The following LRRC4C variants were observed in gnomAD, a reference collection of about 807,000 sequenced individuals.
The protein encoded by LRRC4C is leucine-rich repeat-containing protein 4C.
A neutral mutation model predicts 33.6 loss-of-function variants in LRRC4C; 5 were observed. That is an observed-to-expected ratio of 0.15 (90% CI 0.08 to 0.31). The LOEUF is 0.31. LRRC4C is among the 10% of genes least tolerant of loss of function. The pLI, the probability that LRRC4C is intolerant of heterozygous loss-of-function variation, is 1.00. For synonymous variants in LRRC4C, 329 were observed against 302.0 expected, an observed-to-expected ratio of 1.09 and a Z score of -0.93; for missense variants, 560 against 796.7, an observed-to-expected ratio of 0.70 and a Z score of 3.58.
chr11:40,490,559 A>G (rs1210811767), intron 3 of LRRC4C, among the ~76,000 whole-genome samples: 1 of 152,144 alleles, frequency 6.6e-6, no homozygotes, highest in African/African-American at 2.4e-5. Flanking sequence ...TTTATTTTCT[A>G]ACTTTGGTCT....
At chr11:40,282,139 G>A (rs575601028) in intron 4 of LRRC4C, among the ~76,000 whole-genome samples, 24 of 152,130 alleles carry the variant, frequency 1.6e-4, no homozygotes, top group East Asian at 7.7e-4. Context: ...ACCTGAAGAC[G>A]GGAGTTTGAG....
At position 41,170,102 on chromosome 11, in the gene LRRC4C, C is replaced by A. The variant is rs151270609; in HGVS notation, c.-495-236379G>T. Among the ~76,000 whole-genome samples the A allele has an allele frequency of 6.8e-4, 103 of 152,166 alleles. No homozygotes were observed. In the East Asian group the frequency reaches 0.019, roughly 27 times the overall value. Reference sequence around the variant, plus strand: ...TTCAAATTTTACACACATACTGAATCCTTCACTGATATCAAATCTCAGCTT... The same window carrying A: ...TTCAAATTTTACACACATACTGAATACTTCACTGATATCAAATCTCAGCTT... On this transcript the variant is annotated intron_variant, in intron 1 of 6. Coordinates refer to ENST00000528697, the MANE Select transcript of LRRC4C (RefSeq NM_001258419.2).
chr11:41,433,053 T>C (rs1248916975), intron 1 of LRRC4C, among the ~76,000 whole-genome samples: 1 of 152,116 alleles, frequency 6.6e-6, no homozygotes, highest in Non-Finnish European at 1.5e-5. Context: ...TGTCTTCTCC[T>C]CTCAATGCCT....
chr11:40,125,065 G>T (rs1287419442), intron 6 of LRRC4C, among the ~76,000 whole-genome samples: 1 of 152,076 alleles, frequency 6.6e-6, no homozygotes, highest in African/African-American at 2.4e-5. Flanking sequence ...GTAGCAGGTT[G>T]TCTTGCAGAT....
intron 3 of LRRC4C, among the ~76,000 whole-genome samples, chr11:40,567,890 T>C (rs1478930488): frequency 6.6e-6 from 1 of 152,200 alleles, no homozygotes; most frequent in East Asian, 1.9e-4. Flanking sequence ...ATGTTTAGTT[T>C]CTCATGAAAT....
chr11:40,990,958 GT>G (rs2137245624), intron 1 of LRRC4C, among the ~76,000 whole-genome samples: 1 of 151,592 alleles, frequency 6.6e-6, no homozygotes, highest in East Asian at 1.9e-4. Flanking sequence ...AGATGGACTA[GT>G]TCCTGTTTTT....
At chr11:41,428,892 C>A (rs1955135240) in intron 1 of LRRC4C, among the ~76,000 whole-genome samples, 1 of 152,126 alleles carries the variant, frequency 6.6e-6, no homozygotes. Flanking sequence ...AAGCAAAGAT[C>A]ACTTCAACCC....
chr11:40,811,476 T>C (rs535591669), intron 2 of LRRC4C, among the ~76,000 whole-genome samples: 1 of 152,282 alleles, frequency 6.6e-6, no homozygotes, highest in South Asian at 2.1e-4. Flanking sequence ...TCAATAAATA[T>C]ATTTGAATTA....
intron 2 of LRRC4C, 137 bp from the exon 3 acceptor site, chr11:40,648,415 A>G (rs776039392): frequency 5.3e-5 from 8 of 152,226 alleles, no homozygotes; most frequent in East Asian, 1.9e-4. Flanking sequence ...TATTTTTTGT[A>G]TGATAGAAAG....
Position 40,608,929 on chromosome 11 carries a change from A to T in LRRC4C, c.-270+39213T>A, listed in dbSNP as rs555665667. ...ATCAACACTCCGAAATATATGAAGG[A>T]ATCATTGACGGAACTGACAGGAGAA... On this transcript the variant is annotated intron_variant, in intron 3 of 6. Transcript: ENST00000528697. Among the ~76,000 whole-genome samples, 299 of 152,258 alleles carry T rather than the reference A, an allele frequency of 2.0e-3. 1 individual carries two copies. The highest frequency in any genetic ancestry group is 5.0e-3 in the Admixed American group (77 of 15,278).
intron 3 of LRRC4C, among the ~76,000 whole-genome samples, chr11:40,492,311 G>A (rs561858825): frequency 2.4e-4 from 37 of 151,996 alleles, no homozygotes; most frequent in African/African-American, 8.2e-4. Flanking sequence ...TTGGTTAATC[G>A]ATAAGATTCA....
chr11:40,376,121 G>C (rs978512778), intron 3 of LRRC4C, among the ~76,000 whole-genome samples: 20 of 152,090 alleles, frequency 1.3e-4, no homozygotes, highest in African/African-American at 4.8e-4. Context: ...ATATGAGTAA[G>C]TTTTATCGTT....
At chr11:41,331,920 C>T (rs966307068) in intron 1 of LRRC4C, among the ~76,000 whole-genome samples, 3 of 152,174 alleles carry the variant, frequency 2.0e-5, no homozygotes, top group Admixed American at 1.3e-4. Context: ...ACAGACCTTG[C>T]CTGACAGCCA....
intron 2 of LRRC4C, among the ~76,000 whole-genome samples, chr11:40,813,797 AC>A (rs1283961248): frequency 6.6e-6 from 1 of 152,204 alleles, no homozygotes; most frequent in Admixed American, 6.5e-5. Flanking sequence ...CGAAGGGGCT[AC>A]TGGCCCCACA....
At chr11:41,318,498 G>T (rs10837634) in intron 1 of LRRC4C, among the ~76,000 whole-genome samples, 24,265 of 152,034 alleles carry the variant, frequency 0.16, 2,362 homozygotes, top group East Asian at 0.44. Context: ...TTGAAGGTGG[G>T]GATTTTCAAA....
At chr11:40,453,537 C>G (rs1951990941) in intron 3 of LRRC4C, among the ~76,000 whole-genome samples, 1 of 147,482 alleles carries the variant, frequency 6.8e-6, no homozygotes, top group South Asian at 2.2e-4. Context: ...TTTAAAGAAA[C>G]AAAAGAGAGG....
At chr11:40,400,661 T>C (rs1325424494) in intron 3 of LRRC4C, among the ~76,000 whole-genome samples, 1 of 152,124 alleles carries the variant, frequency 6.6e-6, no homozygotes, top group African/African-American at 2.4e-5. Context: ...ACATTCTGAA[T>C]GTCCATATCT....
intron 5 of LRRC4C, among the ~76,000 whole-genome samples, chr11:40,216,686 C>T (rs1477970749): frequency 2.0e-5 from 3 of 152,142 alleles, no homozygotes. Context: ...TAAAAGCGTT[C>T]TGTGAATTTC....
At chr11:41,284,878 A>G (rs568574378) in intron 1 of LRRC4C, among the ~76,000 whole-genome samples, 35 of 152,358 alleles carry the variant, frequency 2.3e-4, no homozygotes, top group African/African-American at 7.7e-4. Context: ...ACACCTGAAA[A>G]TAGCACAAAA....
Sources: allele counts gnomAD v4.1 joint callset (sites outside exome capture counted in the v4.1 genomes callset), GRCh38; gene constraint gnomAD v4.1.1; transcripts MANE v1.5; gene names NCBI Gene and HGNC (gene_info 2026-07-23, HGNC 2026-07-21).